ITGB6: variants seen among roughly 807,000 people sequenced by gnomAD.
ITGB6 encodes the protein integrin beta-6.
ITGB6 carries 80 observed loss-of-function variants against 84.5 expected under a neutral mutation model. The observed-to-expected ratio is 0.95, with a 90% CI of 0.79 to 1.14. The LOEUF is 1.14. Ranked by LOEUF, ITGB6 falls within the 50% of genes most tolerant of loss-of-function variation. The pLI is 0.00. For synonymous variants in ITGB6, 383 were observed against 354.9 expected, an observed-to-expected ratio of 1.08 and a Z score of -0.89; for missense variants, 1,006 against 968.0, an observed-to-expected ratio of 1.04 and a Z score of -0.52.
chr2:160,145,768 C>T (rs1183497872), intron 7 of ITGB6, among the ~76,000 whole-genome samples: 3 of 152,150 alleles, frequency 2.0e-5, no homozygotes, highest in Non-Finnish European at 4.4e-5. Flanking sequence ...GGTTGGCCTT[C>T]TCTTCAAAAA....
intron 7 of ITGB6, among the ~76,000 whole-genome samples, chr2:160,165,266 G>C (rs1243840915): frequency 6.6e-6 from 1 of 152,178 alleles, no homozygotes; most frequent in Non-Finnish European, 1.5e-5. Context: ...TATTTGTGTG[G>C]AGGTCATTGG....
chr2:160,174,986 G>T (rs892069647), intron 4 of ITGB6, among the ~76,000 whole-genome samples: 4 of 152,240 alleles, frequency 2.6e-5, no homozygotes, highest in African/African-American at 9.6e-5. Context: ...TAGCTATGCT[G>T]GGGGTAGGCT....
intron 7 of ITGB6, among the ~76,000 whole-genome samples, chr2:160,142,408 A>G (rs1684032872): frequency 1.3e-5 from 2 of 152,202 alleles, no homozygotes; most frequent in Non-Finnish European, 2.9e-5. Flanking sequence ...CCTTTGTCCA[A>G]AATGTTCTCA....
chr2:160,123,752 T>G, intron 12 of ITGB6, 39 bp downstream of exon 12: 3 of 1,504,452 alleles, frequency 2.0e-6, no homozygotes, highest in Non-Finnish European at 2.8e-6. Flanking sequence ...TCTCAAGAAC[T>G]ACATAAGGAA....
At chr2:160,105,300 A>C (rs961846665) in intron 14 of ITGB6, among the ~76,000 whole-genome samples, 2 of 152,222 alleles carry the variant, frequency 1.3e-5, no homozygotes, top group African/African-American at 4.8e-5. Flanking sequence ...AACAGCAAAA[A>C]TTCAGCATTT....
At chr2:160,121,777 G>GAA (rs61500846) in intron 12 of ITGB6, among the ~76,000 whole-genome samples, 29 of 142,898 alleles carry the variant, frequency 2.0e-4, no homozygotes, top group South Asian at 9.0e-4. Flanking sequence ...CAAAAAAAAA[G>GAA]AAAAAAAAAA....
rs538844697 is a variant in ITGB6 at position 160,190,425 on chromosome 2, A to C, written c.593+4944T>G. On this transcript the variant is annotated intron_variant, in intron 4 of 14. Coordinates refer to ENST00000283249, the MANE Select transcript of ITGB6 (RefSeq NM_000888.5). ...ACAGCGAAAACACCGAAGGCTTGAG[A>C]GATGAAATGATTCACCTAAGCTCAC... Among the ~76,000 whole-genome samples, 31 of 152,296 alleles carry C rather than the reference A, an allele frequency of 2.0e-4. No individual in the cohort carries two copies. The South Asian group carries it at 3.1e-3, about 15-fold the overall frequency.
At chr2:160,170,360 G>A (rs758850121) in intron 6 of ITGB6, among the ~76,000 whole-genome samples, 1 of 152,218 alleles carries the variant, frequency 6.6e-6, no homozygotes, top group Non-Finnish European at 1.5e-5. Flanking sequence ...AAATGGCTAT[G>A]TCATATGTGA....
chr2:160,149,242 G>A (rs1684315377), intron 7 of ITGB6, among the ~76,000 whole-genome samples: 1 of 152,224 alleles, frequency 6.6e-6, no homozygotes. Context: ...CTGGGACAGA[G>A]CTTCCAGAAG....
intron 4 of ITGB6, among the ~76,000 whole-genome samples, chr2:160,177,300 C>T (rs1685457358): frequency 6.6e-6 from 1 of 152,124 alleles, no homozygotes; most frequent in Admixed American, 6.6e-5. Flanking sequence ...GGCGCTGTGG[C>T]TCACGCCTGT....
chr2:160,112,421 C>T (rs184014006), intron 12 of ITGB6, among the ~76,000 whole-genome samples: 1 of 152,026 alleles, frequency 6.6e-6, no homozygotes, highest in Non-Finnish European at 1.5e-5. Context: ...GACTGACCAT[C>T]AAATGTGCCT....
At position 160,196,365 on chromosome 2, in the gene ITGB6, A is replaced by T; in HGVS notation, c.197T>A (p.Leu66Ter). The T allele has an allele frequency of 6.2e-7, 1 of 1,614,046 alleles. No homozygotes were observed. The highest frequency in any genetic ancestry group is 1.1e-5 in the South Asian group (1 of 91,082). ...GERCDTPANL[L>*]AKGCQLNFIE... ...GAAGTTTAATTGACATCCTTTAGCT[A>T]AAAGGTTTGCTGGGGTATCACACCT... Residue 66 changes from leucine to a stop codon, truncating the protein, a stop_gained, in exon 3 of 15, where the codon TTA becomes TAA. Coordinates refer to ENST00000283249, the MANE Select transcript of ITGB6 (RefSeq NM_000888.5). LOFTEE classifies it high-confidence loss of function.
intron 10 of ITGB6, among the ~76,000 whole-genome samples, chr2:160,133,049 T>G (rs1488037994): frequency 6.6e-6 from 1 of 152,160 alleles, no homozygotes; most frequent in East Asian, 1.9e-4. Flanking sequence ...CTTGGTAGCA[T>G]GCTTATTTAG....
chr2:160,113,791 C>T (rs571137809), intron 12 of ITGB6, among the ~76,000 whole-genome samples: 41 of 152,294 alleles, frequency 2.7e-4, no homozygotes, highest in African/African-American at 8.4e-4. Context: ...TATTTGATTG[C>T]AAATGGTATT....
At chr2:160,190,594 T>C (rs1009636550) in intron 4 of ITGB6, among the ~76,000 whole-genome samples, 1 of 152,184 alleles carries the variant, frequency 6.6e-6, no homozygotes, top group Non-Finnish European at 1.5e-5. Flanking sequence ...TTCTTCCAAA[T>C]ATACTCATGC....
intron 7 of ITGB6, among the ~76,000 whole-genome samples, chr2:160,167,923 C>T (rs1310679805): frequency 1.3e-5 from 2 of 152,124 alleles, no homozygotes; most frequent in African/African-American, 2.4e-5. Flanking sequence ...CCCCCAGGGT[C>T]CTCTCACACT....
At chr2:160,129,075 A>T (rs10497209) in intron 10 of ITGB6, among the ~76,000 whole-genome samples, 4 of 151,966 alleles carry the variant, frequency 2.6e-5, no homozygotes, top group Non-Finnish European at 4.4e-5. Flanking sequence ...TCCTTATAGA[A>T]GAGACTGAGA....
chr2:160,150,149 T>A (rs545301272), intron 7 of ITGB6, among the ~76,000 whole-genome samples: 141 of 152,178 alleles, frequency 9.3e-4, no homozygotes, highest in Non-Finnish European at 1.8e-3. Flanking sequence ...CCAAGACACA[T>A]AATTGTCAGA....
chr2:160,193,028 A>G (rs1261882236), intron 4 of ITGB6, among the ~76,000 whole-genome samples: 1 of 152,166 alleles, frequency 6.6e-6, no homozygotes, highest in East Asian at 1.9e-4. Context: ...ACCCTGTCAC[A>G]CTACTGAAGG....
Sources: gnomAD v4.1 joint callset for allele counts (sites outside exome capture counted in the v4.1 genomes callset) on GRCh38, gnomAD v4.1.1 for gene constraint, MANE v1.5 for transcripts, NCBI Gene and HGNC (gene_info 2026-07-23, HGNC 2026-07-21) for gene names.